TCF4: variants seen among roughly 807,000 people sequenced by gnomAD.
TCF4 encodes transcription factor 4.
TCF4 carries 3 observed loss-of-function variants against 82.1 expected under a neutral mutation model. The ratio of observed to expected loss-of-function variants is 0.04; its 90% CI spans 0.02 to 0.09. The LOEUF (loss-of-function observed/expected upper bound fraction) is 0.09. TCF4 is among the 10% of genes least tolerant of loss of function. The pLI is 1.00. For synonymous variants in TCF4, 276 were observed against 309.6 expected (o/e 0.89, Z 1.14); for missense variants, 518 against 852.7 (o/e 0.61, Z 4.89).
chr18:55,280,105 T>C (rs778259623), intron 8 of TCF4, among the ~76,000 whole-genome samples: 1 of 151,562 alleles, frequency 6.6e-6, no homozygotes, highest in African/African-American at 2.4e-5. Context: ...AGAGAGGAGG[T>C]AGGGAGGGGG....
chr18:55,231,132 T>G (rs2047813441), intron 17 of TCF4: 1 of 152,248 alleles, frequency 6.6e-6, no homozygotes, highest in African/African-American at 2.4e-5. Flanking sequence ...GCCAAGGAAA[T>G]CAGTAATGAT....
chr18:55,367,037 C>T (rs10439071), intron 6 of TCF4, among the ~76,000 whole-genome samples: 2,004 of 152,244 alleles, frequency 0.013, 62 homozygotes, highest in African/African-American at 0.044. Flanking sequence ...ATGGTTCAAT[C>T]ACCCAGGTTT....
At chr18:55,556,121 T>A (rs2097301751) in intron 3 of TCF4, among the ~76,000 whole-genome samples, 1 of 152,202 alleles carries the variant, frequency 6.6e-6, no homozygotes, top group Non-Finnish European at 1.5e-5. Flanking sequence ...TCATTAATAG[T>A]TAAGTGAGCT....
In TCF4 at chr18:55,458,414, T is replaced by A. The variant is rs191623782; in HGVS notation, c.304+2605A>T. Among the ~76,000 whole-genome samples the A allele has an allele frequency of 3.9e-5, 6 of 152,362 alleles. No individual in the cohort carries two copies. The East Asian group carries it at 1.2e-3, about 29-fold the overall frequency. On this transcript the variant is annotated intron_variant, in intron 5 of 19. Coordinates refer to ENST00000354452, the MANE Select transcript of TCF4 (RefSeq NM_001083962.2). ...TATCCACAAAGGTCACAACATGGGC[T>A]CTGGGTCTGGACACAAAGTGCGGTT...
At chr18:55,561,945 A>G (rs1334950667) in intron 3 of TCF4, among the ~76,000 whole-genome samples, 1 of 152,222 alleles carries the variant, frequency 6.6e-6, no homozygotes, top group Non-Finnish European at 1.5e-5. Context: ...CTTAAAGTAT[A>G]TTGTCCAAGA....
At chr18:55,228,401 A>C (rs1189291362) in intron 18 of TCF4, 40 bp from the exon 19 acceptor site, 27 of 1,610,666 alleles carry the variant, frequency 1.7e-5, no homozygotes, top group Non-Finnish European at 2.2e-5. Context: ...TTTAATGCTG[A>C]GGCTTCTGGC....
At chr18:55,437,853 A>G (rs2095361441) in intron 5 of TCF4, among the ~76,000 whole-genome samples, 1 of 152,222 alleles carries the variant, frequency 6.6e-6, no homozygotes, top group Non-Finnish European at 1.5e-5. Context: ...CATCAGATAT[A>G]TGTCAGATAT....
At chr18:55,383,469 T>C (rs951216036) in intron 6 of TCF4, among the ~76,000 whole-genome samples, 1 of 152,166 alleles carries the variant, frequency 6.6e-6, no homozygotes, top group African/African-American at 2.4e-5. Context: ...CAAGCACAGG[T>C]GACTCGACCC....
chr18:55,315,472 A>G (rs1209286111), intron 8 of TCF4, among the ~76,000 whole-genome samples: 4 of 152,166 alleles, frequency 2.6e-5, no homozygotes, highest in Non-Finnish European at 5.9e-5. Flanking sequence ...TGCCATAAAT[A>G]CATCTGCAAA....
chr18:55,233,289 G>A (rs560029491), intron 16 of TCF4, among the ~76,000 whole-genome samples: 1 of 152,162 alleles, frequency 6.6e-6, no homozygotes, highest in Non-Finnish European at 1.5e-5. Context: ...TTTTTTAAAG[G>A]TAGAAGCATA....
At chr18:55,460,500 A>C (rs371974974) in intron 5 of TCF4, among the ~76,000 whole-genome samples, 2 of 152,198 alleles carry the variant, frequency 1.3e-5, no homozygotes, top group African/African-American at 4.8e-5. Context: ...CATTAGCACT[A>C]AAGTTCATGC....
chr18:55,500,570 T>C (rs2096686879), intron 3 of TCF4, among the ~76,000 whole-genome samples: 1 of 152,188 alleles, frequency 6.6e-6, no homozygotes, highest in African/African-American at 2.4e-5. Context: ...AATATGTTAA[T>C]TGCCATTTTT....
chr18:55,602,276 T>C (rs1158771535), intron 2 of TCF4, among the ~76,000 whole-genome samples: 1 of 152,208 alleles, frequency 6.6e-6, no homozygotes, highest in Non-Finnish European at 1.5e-5. Flanking sequence ...ATTAGTAAGC[T>C]TTCAGGGTCA....
intron 3 of TCF4, among the ~76,000 whole-genome samples, chr18:55,542,038 T>C (rs910591851): frequency 1.3e-5 from 2 of 151,978 alleles, no homozygotes; most frequent in Non-Finnish European, 2.9e-5. Context: ...AGCTTTTATA[T>C]TTGAACACAA....
At chr18:55,586,104 A>G in intron 2 of TCF4, 1 of 1,417,654 alleles carries the variant, frequency 7.1e-7, no homozygotes, top group South Asian at 1.3e-5. Context: ...TTTCTCCAAA[A>G]GAAGGTCTAG....
At chr18:55,441,677 A>C (rs1019061506) in intron 5 of TCF4, among the ~76,000 whole-genome samples, 1 of 152,236 alleles carries the variant, frequency 6.6e-6, no homozygotes, top group African/African-American at 2.4e-5. Context: ...TAAAATAAGT[A>C]CTACTACATA....
intron 15 of TCF4, among the ~76,000 whole-genome samples, chr18:55,244,289 C>CT (rs2052333402): frequency 6.6e-6 from 1 of 152,132 alleles, no homozygotes; most frequent in Non-Finnish European, 1.5e-5. Flanking sequence ...CATCCAAAAC[C>CT]TTGGAAGATA....
At chr18:55,229,332 T>A in intron 17 of TCF4, 1 of 519,212 alleles carries the variant, frequency 1.9e-6, no homozygotes, top group South Asian at 2.0e-5. Flanking sequence ...AAAGTTAGAG[T>A]GCAGGGTGTG....
At chr18:55,406,348 A>G (rs1369471120) in intron 5 of TCF4, among the ~76,000 whole-genome samples, 1 of 152,030 alleles carries the variant, frequency 6.6e-6, no homozygotes, top group African/African-American at 2.4e-5. Flanking sequence ...ATAATCAGGC[A>G]CTGTGGATAA....
Sources: gnomAD v4.1 joint callset for allele counts (sites outside exome capture counted in the v4.1 genomes callset) on GRCh38, gnomAD v4.1.1 for gene constraint, MANE v1.5 for transcripts, NCBI Gene and HGNC (gene_info 2026-07-23, HGNC 2026-07-21) for gene names.